Variants in GALNT13 observed in about 807,000 individuals in gnomAD.
GALNT13 encodes the protein polypeptide N-acetylgalactosaminyltransferase 13, also known as UDP-GalNAc:polypeptide N-acetylgalactosaminyltransferase 13.
GALNT13 carries 28 observed loss-of-function variants against 64.2 expected under a neutral mutation model. The ratio of observed to expected loss-of-function variants is 0.44; its 90% CI spans 0.32 to 0.60. The LOEUF (loss-of-function observed/expected upper bound fraction) is 0.60. GALNT13 is among the 20% of genes least tolerant of loss of function. GALNT13 has a pLI of 0.05. For missense variants in GALNT13, 577 were observed against 669.8 expected (o/e 0.86, Z 1.53); for synonymous variants, 214 against 224.6 (o/e 0.95, Z 0.42).
chr2:153,421,334 G>T, the GALNT13 span: 1 of 213,562 alleles, frequency 4.7e-6, no homozygotes. Flanking sequence ...TAGTTTGGGT[G>T]CTCAGTATTG....
intron 12 of GALNT13, among the ~76,000 whole-genome samples, chr2:154,442,603 T>C (rs1701356084): frequency 6.6e-6 from 1 of 152,124 alleles, no homozygotes; most frequent in Admixed American, 6.6e-5. Flanking sequence ...CACTGAGACA[T>C]TTTAAAAATT....
the GALNT13 span, among the ~76,000 whole-genome samples, chr2:153,281,945 C>G: frequency 6.6e-6 from 1 of 151,440 alleles, no homozygotes; most frequent in African/African-American, 2.4e-5. Flanking sequence ...GGATGTTTAC[C>G]TGTCTAGCAA....
the GALNT13 span, among the ~76,000 whole-genome samples, chr2:153,812,814 A>G: frequency 6.6e-6 from 1 of 152,160 alleles, no homozygotes; most frequent in Non-Finnish European, 1.5e-5. Context: ...TGCTTTCCCT[A>G]TGCGCACAAA....
At chr2:154,201,511 C>G (rs1402675844) in intron 4 of GALNT13, among the ~76,000 whole-genome samples, 1 of 152,068 alleles carries the variant, frequency 6.6e-6, no homozygotes, top group East Asian at 1.9e-4. Context: ...CACCTTCTTA[C>G]TTTATTTAAA....
At chr2:153,069,192 G>T in the GALNT13 span, among the ~76,000 whole-genome samples, 1 of 152,126 alleles carries the variant, frequency 6.6e-6, no homozygotes, top group Non-Finnish European at 1.5e-5. Flanking sequence ...TGGAAGCCTA[G>T]AGCTTCTCCC....
chr2:154,354,621 T>TC (rs1559108729), intron 9 of GALNT13, among the ~76,000 whole-genome samples: 5 of 108,830 alleles, frequency 4.6e-5, no homozygotes, highest in African/African-American at 9.8e-5. Flanking sequence ...ATCTCACTTT[T>TC]TTTTTTTTTG....
At position 153,925,757 on chromosome 2, in the gene GALNT13, T is replaced by G. The variant is rs182603469; in HGVS notation, c.-104-18637T>G. Among the ~76,000 whole-genome samples the G allele has an allele frequency of 2.2e-4, 34 of 152,290 alleles. No homozygotes were observed. The East Asian group carries it at 4.6e-3, about 21-fold the overall frequency. ...TTTTAGCAGTGCTTTGTAGTTCCCC[T>G]TGAAGAGGTCCTTTATTTCCCTTGT... On this transcript the variant is annotated intron_variant, in intron 2 of 12. Transcript: ENST00000392825.
chr2:154,160,351 C>T (rs568236341), intron 4 of GALNT13, among the ~76,000 whole-genome samples: 6 of 152,264 alleles, frequency 3.9e-5, no homozygotes, highest in Middle Eastern at 3.4e-3. Context: ...CAGAACACCA[C>T]GCAAGAACTT....
At chr2:153,207,334 A>C in the GALNT13 span, among the ~76,000 whole-genome samples, 1 of 152,062 alleles carries the variant, frequency 6.6e-6, no homozygotes, top group Non-Finnish European at 1.5e-5. Context: ...GTGCATGTGT[A>C]TGTGTATTTA....
the GALNT13 span, among the ~76,000 whole-genome samples, chr2:153,435,206 T>G: frequency 6.6e-6 from 1 of 152,104 alleles, no homozygotes; most frequent in Non-Finnish European, 1.5e-5. Flanking sequence ...TTGGTACCAG[T>G]ACCATGCTGT....
At chr2:153,955,147 C>CT in intron 3 of GALNT13, among the ~76,000 whole-genome samples, 1 of 152,052 alleles carries the variant, frequency 6.6e-6, no homozygotes, top group Non-Finnish European at 1.5e-5. Flanking sequence ...GTTTTGGGGT[C>CT]AACCTAACAA....
chr2:153,982,408 A>C (rs753353504), intron 3 of GALNT13, among the ~76,000 whole-genome samples: 1 of 152,116 alleles, frequency 6.6e-6, no homozygotes, highest in Admixed American at 6.6e-5. Flanking sequence ...CTGTACTACC[A>C]ATATTGTGCT....
the GALNT13 span, among the ~76,000 whole-genome samples, chr2:153,275,550 A>C: frequency 6.6e-6 from 1 of 152,190 alleles, no homozygotes; most frequent in Non-Finnish European, 1.5e-5. Context: ...CAGAAGTATG[A>C]TAAATAAATT....
chr2:153,876,379 T>C (rs1483610972), intron 1 of GALNT13, among the ~76,000 whole-genome samples: 2 of 152,206 alleles, frequency 1.3e-5, no homozygotes, highest in Non-Finnish European at 2.9e-5. Flanking sequence ...TTGAAGGACT[T>C]CTGCCATTCA....
chr2:153,819,036 G>T, the GALNT13 span, among the ~76,000 whole-genome samples: 1 of 152,256 alleles, frequency 6.6e-6, no homozygotes, highest in Non-Finnish European at 1.5e-5. Context: ...CATGTATTGT[G>T]CTAGGGACTG....
chr2:153,120,982 G>C, the GALNT13 span, among the ~76,000 whole-genome samples: 17 of 152,218 alleles, frequency 1.1e-4, no homozygotes, highest in African/African-American at 4.1e-4. Flanking sequence ...GAGCATTTCA[G>C]TGTGATCCTA....
the GALNT13 span, among the ~76,000 whole-genome samples, chr2:153,450,577 A>AT: frequency 0.68 from 99,911 of 147,042 alleles, 34,301 homozygotes; most frequent in Non-Finnish European, 0.75. Context: ...CTAGGTTTGA[A>AT]TTTTTTTTTT....
intron 10 of GALNT13, among the ~76,000 whole-genome samples, chr2:154,404,980 G>A (rs1455402334): frequency 6.6e-6 from 1 of 151,748 alleles, no homozygotes; most frequent in East Asian, 1.9e-4. Context: ...AAGAACAAAA[G>A]GAAGAGAGAA....
At chr2:153,598,465 T>C in the GALNT13 span, among the ~76,000 whole-genome samples, 18 of 152,248 alleles carry the variant, frequency 1.2e-4, no homozygotes, top group East Asian at 2.1e-3. Flanking sequence ...TGTCTTACTC[T>C]TCTCCTGCTT....
Sources: allele counts gnomAD v4.1 joint callset (sites outside exome capture counted in the v4.1 genomes callset), GRCh38; gene constraint gnomAD v4.1.1; transcripts MANE v1.5; gene names NCBI Gene and HGNC (gene_info 2026-07-23, HGNC 2026-07-21).